Variants in FHOD3 observed in about 807,000 individuals in gnomAD.
The protein encoded by FHOD3 is FH1/FH2 domain-containing protein 3.
FHOD3 carries 90 observed loss-of-function variants against 173.0 expected under a neutral mutation model. That is an observed-to-expected ratio of 0.52 (90% CI 0.44 to 0.62). FHOD3 has a LOEUF of 0.62. Among genes scored for constraint, FHOD3 ranks in the 20% least tolerant of loss-of-function variants. FHOD3 has a pLI of 0.00. For missense variants in FHOD3, 1,945 were observed against 2,034.7 expected (o/e 0.96, Z 0.85); for synonymous variants, 828 against 823.0 (o/e 1.01, Z -0.10).
chr18:36,405,740 T>C (rs2049023213), intron 3 of FHOD3, among the ~76,000 whole-genome samples: 1 of 152,244 alleles, frequency 6.6e-6, no homozygotes, highest in African/African-American at 2.4e-5. Flanking sequence ...ACTGTGAACA[T>C]ACCAAAATAT....
chr18:36,451,645 C>T (rs1337798488), intron 3 of FHOD3, among the ~76,000 whole-genome samples: 1 of 152,164 alleles, frequency 6.6e-6, no homozygotes. Context: ...GTTCTGCATA[C>T]CCGCAGTATT....
chr18:36,521,973 C>T (rs1457834999), intron 5 of FHOD3, among the ~76,000 whole-genome samples: 1 of 152,232 alleles, frequency 6.6e-6, no homozygotes, highest in African/African-American at 2.4e-5. Context: ...TTGCTTCCTG[C>T]TCATCCTTAG....
chr18:36,402,171 C>T (rs1043525142), intron 3 of FHOD3, among the ~76,000 whole-genome samples: 55 of 152,060 alleles, frequency 3.6e-4, no homozygotes, highest in African/African-American at 1.2e-3. Context: ...GTCGGCTGGG[C>T]GTGGTCCTTT....
intron 19 of FHOD3, 83 bp downstream of exon 19, chr18:36,718,798 A>G: frequency 6.6e-7 from 1 of 1,514,832 alleles, no homozygotes; most frequent in Non-Finnish European, 8.8e-7. Flanking sequence ...ACTATTTTGC[A>G]TTGCTTTTGC....
chr18:36,512,571 T>C, intron 5 of FHOD3, 28 bp downstream of exon 5: 1 of 1,499,902 alleles, frequency 6.7e-7, no homozygotes. Context: ...ATGCAGCAGC[T>C]GCCCCAGCTG....
At chr18:36,436,441 C>T (rs1568269247) in intron 3 of FHOD3, among the ~76,000 whole-genome samples, 1 of 152,130 alleles carries the variant, frequency 6.6e-6, no homozygotes, top group African/African-American at 2.4e-5. Context: ...TTAAAACCCC[C>T]ATGCACAAAG....
intron 2 of FHOD3, among the ~76,000 whole-genome samples, chr18:36,371,339 A>G (rs893927926): frequency 6.6e-6 from 1 of 152,208 alleles, no homozygotes; most frequent in Non-Finnish European, 1.5e-5. Flanking sequence ...AGTTTAATGG[A>G]CTCACAGTTC....
intron 3 of FHOD3, among the ~76,000 whole-genome samples, chr18:36,475,131 C>T (rs7239163): frequency 2.6e-5 from 4 of 151,738 alleles, no homozygotes; most frequent in African/African-American, 4.8e-5. Context: ...ACTTGCAGGA[C>T]GAGAGGAAGG....
At chr18:36,376,669 A>G (rs558918692) in intron 3 of FHOD3, among the ~76,000 whole-genome samples, 1 of 152,378 alleles carries the variant, frequency 6.6e-6, no homozygotes, top group East Asian at 1.9e-4. Flanking sequence ...TAAAGGCAAG[A>G]AAATGATATG....
intron 16 of FHOD3, among the ~76,000 whole-genome samples, chr18:36,688,423 C>T (rs1351821874): frequency 6.6e-6 from 1 of 152,208 alleles, no homozygotes; most frequent in Non-Finnish European, 1.5e-5. Context: ...GAATTAGATG[C>T]TTAGATCAAC....
intron 17 of FHOD3, among the ~76,000 whole-genome samples, chr18:36,703,668 T>C (rs2039708741): frequency 6.6e-6 from 1 of 152,106 alleles, no homozygotes; most frequent in African/African-American, 2.4e-5. Context: ...GGAGTTGGTG[T>C]TGGGATTTGG....
chr18:36,709,423 T>A, intron 18 of FHOD3, 32 bp downstream of exon 18: 2 of 1,591,152 alleles, frequency 1.3e-6, no homozygotes, highest in Non-Finnish European at 8.6e-7. Flanking sequence ...AGTCGGCATG[T>A]GCCAGGGAGG....
chr18:36,691,828 C>T (rs1379368091), intron 16 of FHOD3, among the ~76,000 whole-genome samples: 2 of 152,210 alleles, frequency 1.3e-5, no homozygotes, highest in Non-Finnish European at 2.9e-5. Flanking sequence ...TCCCATCAGC[C>T]TGCAAATGCA....
intron 3 of FHOD3, among the ~76,000 whole-genome samples, chr18:36,484,222 C>T (rs1233733951): frequency 6.6e-6 from 1 of 152,218 alleles, no homozygotes; most frequent in Admixed American, 6.5e-5. Flanking sequence ...CCACTTGTTG[C>T]TTCCCTTTTG....
rs532522608 is a variant in FHOD3 at position 36,348,913 on chromosome 18, C to T, written c.166-6626C>T. Among the ~76,000 whole-genome samples the T allele has an allele frequency of 4.6e-5, 7 of 152,314 alleles. No homozygotes were observed. In the East Asian group the frequency reaches 1.4e-3, roughly 29 times the overall value. ...GCAAACCTCTCACCCACCTGCCATC[C>T]AGGTGCAGAGCATGTGGAGTGTGAA... On this transcript the variant is annotated intron_variant, in intron 1 of 28. Coordinates refer to ENST00000590592, the MANE Select transcript of FHOD3 (RefSeq NM_001281740.3).
chr18:36,485,083 G>A (rs1235929728), intron 3 of FHOD3, among the ~76,000 whole-genome samples: 1 of 152,178 alleles, frequency 6.6e-6, no homozygotes, highest in Non-Finnish European at 1.5e-5. Flanking sequence ...TTGAGCATTT[G>A]GGGGTGGATG....
chr18:36,537,745 TTA>T (rs1366413393), intron 5 of FHOD3, among the ~76,000 whole-genome samples: 2 of 152,114 alleles, frequency 1.3e-5, no homozygotes, highest in African/African-American at 4.8e-5. Flanking sequence ...AAATCCATGG[TTA>T]TAGCATAAGA....
chr18:36,582,037 G>T (rs2058871256), intron 6 of FHOD3, among the ~76,000 whole-genome samples: 1 of 152,190 alleles, frequency 6.6e-6, no homozygotes, highest in South Asian at 2.1e-4. Context: ...CAAAGGTTGG[G>T]GGTCACAGTT....
Position 36,714,322 on chromosome 18 carries a change from A to C in FHOD3, c.2534-3510A>C, listed in dbSNP as rs551541352. Among the ~76,000 whole-genome samples, 252 of 152,290 alleles carry C rather than the reference A, an allele frequency of 1.7e-3. 1 individual carries two copies. The highest frequency in any genetic ancestry group is 5.7e-3 in the African/African-American group (236 of 41,566). Reference sequence around the variant, plus strand: ...GAGGCCGAGGCGGGCAGATCACTTGAATTCAGGGGTTCGAGACCAGCCTGG... The same window carrying C: ...GAGGCCGAGGCGGGCAGATCACTTGCATTCAGGGGTTCGAGACCAGCCTGG... On this transcript the variant is annotated intron_variant, in intron 18 of 28. Transcript: ENST00000590592.
Sources: allele counts gnomAD v4.1 joint callset (sites outside exome capture counted in the v4.1 genomes callset), GRCh38; gene constraint gnomAD v4.1.1; transcripts MANE v1.5; gene names NCBI Gene and HGNC (gene_info 2026-07-23, HGNC 2026-07-21).